The following SCFD2 variants were observed in gnomAD, a reference collection of about 807,000 sequenced individuals.
The protein encoded by SCFD2 is sec1 family domain-containing protein 2.
Under a neutral mutation model 58.9 loss-of-function variants are expected in SCFD2, and 54 were observed. That is an observed-to-expected ratio of 0.92 (90% CI 0.74 to 1.15). The LOEUF (loss-of-function observed/expected upper bound fraction) is 1.15, where lower values mean the gene tolerates loss of function less well. Among genes scored for constraint, SCFD2 ranks in the 50% most tolerant of loss-of-function variants. The probability of loss-of-function intolerance (pLI) is 0.00; values close to 1 mark genes in which losing one functional copy is unlikely to be tolerated. For synonymous variants in SCFD2, 321 were observed against 335.9 expected (o/e 0.96, Z 0.49); for missense variants, 805 against 836.6 (o/e 0.96, Z 0.47).
chr4:52,877,845 C>G (rs910785184), intron 8 of SCFD2, among the ~76,000 whole-genome samples: 46 of 152,314 alleles, frequency 3.0e-4, no homozygotes, highest in Non-Finnish European at 2.2e-4. Context: ...TCTGGTAAGC[C>G]CAGCCCTCCC....
chr4:52,889,788 C>A (rs1718838811), intron 7 of SCFD2, among the ~76,000 whole-genome samples: 1 of 152,198 alleles, frequency 6.6e-6, no homozygotes, highest in Admixed American at 6.5e-5. Flanking sequence ...CTACTCCTGT[C>A]ACTACCTCCC....
chr4:52,971,179 C>T (rs1023096468), intron 5 of SCFD2, among the ~76,000 whole-genome samples: 19 of 152,134 alleles, frequency 1.2e-4, no homozygotes, highest in Admixed American at 3.3e-4. Flanking sequence ...ATGACTTTGA[C>T]GAGCTGAGAG....
At position 53,304,102 on chromosome 4, in the gene SCFD2, TAA is replaced by T. The variant is rs34643436; in HGVS notation, c.1135+9532_1135+9533del. ...ATGTACCCTAAAACTTAAATAATAA[TAA>T]AAAAAAAAAGAAAAGAAAATTCTTT... is the stretch of plus-strand genomic sequence containing the variant. On this transcript the variant is annotated intron_variant, in intron 3 of 8. Transcript: ENST00000401642. Among the ~76,000 whole-genome samples, 630 of 149,516 alleles carry T rather than the reference TAA, an allele frequency of 4.2e-3. 7 individuals carry two copies. Among genetic ancestry groups the T allele is most frequent in the Admixed American group, 6.2e-3 (93 of 15,028 alleles).
chr4:52,996,338 C>G (rs1246759799), intron 5 of SCFD2, among the ~76,000 whole-genome samples: 1 of 152,240 alleles, frequency 6.6e-6, no homozygotes, highest in Non-Finnish European at 1.5e-5. Context: ...TAAAAATCCT[C>G]CAGCTGGAGT....
intron 5 of SCFD2, among the ~76,000 whole-genome samples, chr4:53,140,673 C>G (rs1726109088): frequency 6.6e-6 from 1 of 152,026 alleles, no homozygotes; most frequent in Non-Finnish European, 1.5e-5. Context: ...TATTAATTCT[C>G]TGTTCAGAAT....
At chr4:53,003,393 CCT>C (rs945705732) in intron 5 of SCFD2, among the ~76,000 whole-genome samples, 7 of 152,162 alleles carry the variant, frequency 4.6e-5, no homozygotes, top group Non-Finnish European at 7.3e-5. Flanking sequence ...ACATTTGGTT[CCT>C]CTGTTGCACT....
intron 5 of SCFD2, among the ~76,000 whole-genome samples, chr4:53,116,863 T>C (rs1474945478): frequency 6.6e-6 from 1 of 152,218 alleles, no homozygotes; most frequent in Non-Finnish European, 1.5e-5. Context: ...TAACATATCC[T>C]TTGGATGCCA....
At chr4:53,172,739 G>C (rs1472367360) in intron 4 of SCFD2, among the ~76,000 whole-genome samples, 1 of 152,118 alleles carries the variant, frequency 6.6e-6, no homozygotes, top group Non-Finnish European at 1.5e-5. Flanking sequence ...AGTTTATTCA[G>C]ACTTGTTTTG....
intron 4 of SCFD2, among the ~76,000 whole-genome samples, chr4:53,238,668 C>T (rs984817068): frequency 6.6e-5 from 10 of 151,592 alleles, no homozygotes; most frequent in Admixed American, 5.9e-4. Flanking sequence ...AGAGATGCTC[C>T]TCACCTCCCA....
intron 1 of SCFD2, among the ~76,000 whole-genome samples, chr4:53,357,711 T>C (rs748355298): frequency 1.3e-5 from 2 of 152,194 alleles, no homozygotes; most frequent in African/African-American, 2.4e-5. Flanking sequence ...AGTTTGCATG[T>C]TTTGGAAAAG....
At chr4:53,058,452 T>G (rs1723412804) in intron 5 of SCFD2, among the ~76,000 whole-genome samples, 1 of 152,172 alleles carries the variant, frequency 6.6e-6, no homozygotes, top group South Asian at 2.1e-4. Flanking sequence ...ATTTTAAGTA[T>G]ATGCAGAATT....
intron 5 of SCFD2, among the ~76,000 whole-genome samples, chr4:53,085,867 C>T (rs898482130): frequency 2.0e-5 from 3 of 152,102 alleles, no homozygotes; most frequent in South Asian, 2.1e-4. Flanking sequence ...TCCCATCTCT[C>T]GTCATATGCA....
intron 3 of SCFD2, among the ~76,000 whole-genome samples, chr4:53,306,678 AG>A (rs1732526981): frequency 6.6e-6 from 1 of 152,194 alleles, no homozygotes; most frequent in Non-Finnish European, 1.5e-5. Flanking sequence ...CTATCTAGCA[AG>A]GTTTTTGATC....
Position 52,940,931 on chromosome 4 carries a change from T to C in SCFD2, c.1562-20061A>G, listed in dbSNP as rs544553183. ...ACTGTTAGAAATGCCCTTCTGATCC[T>C]GTGCCTGGTAAACTCTCCTTCTCTC... is the stretch of plus-strand genomic sequence containing the variant. On this transcript the variant is annotated intron_variant, in intron 5 of 8. Transcript: ENST00000401642. Among the ~76,000 whole-genome samples, 3 of 152,210 alleles carry C rather than the reference T, an allele frequency of 2.0e-5. No individual in the cohort carries two copies. The South Asian group carries it at 6.2e-4, about 32-fold the overall frequency.
chr4:53,186,569 C>T, intron 4 of SCFD2, among the ~76,000 whole-genome samples: 1 of 152,006 alleles, frequency 6.6e-6, no homozygotes, highest in East Asian at 1.9e-4. Context: ...TAAAAAGCAA[C>T]AAGCAGTTAT....
chr4:53,217,993 C>T (rs575204043), intron 4 of SCFD2, among the ~76,000 whole-genome samples: 1 of 152,182 alleles, frequency 6.6e-6, no homozygotes, highest in Non-Finnish European at 1.5e-5. Context: ...TGGCTTGTAG[C>T]GTTTCTGCCA....
At chr4:53,068,170 G>A (rs1037327950) in intron 5 of SCFD2, among the ~76,000 whole-genome samples, 3 of 152,032 alleles carry the variant, frequency 2.0e-5, no homozygotes, top group African/African-American at 7.2e-5. Context: ...AATTTTCATA[G>A]ATATTTTTAG....
chr4:53,363,355 C>T (rs1432824552), intron 1 of SCFD2, among the ~76,000 whole-genome samples: 1 of 151,668 alleles, frequency 6.6e-6, no homozygotes, highest in African/African-American at 2.4e-5. Context: ...TGCTGTGTTG[C>T]CCAGGTTGAT....
chr4:53,164,960 A>G (rs967819789), intron 4 of SCFD2, among the ~76,000 whole-genome samples: 3 of 152,186 alleles, frequency 2.0e-5, no homozygotes, highest in African/African-American at 7.2e-5. Flanking sequence ...CAATGCTATA[A>G]CAAGTCTTTT....
Sources: allele counts gnomAD v4.1 joint callset (sites outside exome capture counted in the v4.1 genomes callset), GRCh38; gene constraint gnomAD v4.1.1; transcripts MANE v1.5; gene names NCBI Gene and HGNC (gene_info 2026-07-23, HGNC 2026-07-21).